Variants in CADM2 observed in about 807,000 individuals in gnomAD.
CADM2 encodes the protein cell adhesion molecule 2.
CADM2 carries 12 observed loss-of-function variants against 49.8 expected under a neutral mutation model. The ratio of observed to expected loss-of-function variants is 0.24; its 90% CI spans 0.15 to 0.39. The LOEUF (loss-of-function observed/expected upper bound fraction) is 0.39. Ranked by LOEUF, CADM2 falls within the 10% of genes least tolerant of loss-of-function variation. The probability of loss-of-function intolerance (pLI) is 1.00; values close to 1 mark genes in which losing one functional copy is unlikely to be tolerated. For synonymous variants in CADM2, 214 were observed against 175.4 expected (o/e 1.22, Z -1.74); for missense variants, 378 against 492.3 (o/e 0.77, Z 2.20).
At chr3:85,794,048 T>A (rs1669285021) in intron 2 of CADM2, among the ~76,000 whole-genome samples, 1 of 152,222 alleles carries the variant, frequency 6.6e-6, no homozygotes, top group Non-Finnish European at 1.5e-5. Flanking sequence ...GGTCTTATTT[T>A]AGGGGTTTAA....
intron 8 of CADM2, among the ~76,000 whole-genome samples, chr3:86,031,247 A>G (rs1198793122): frequency 6.6e-6 from 1 of 151,872 alleles, no homozygotes; most frequent in East Asian, 1.9e-4. Flanking sequence ...AATGACCAAG[A>G]TGAAAATTGA....
intron 1 of CADM2, among the ~76,000 whole-genome samples, chr3:85,146,967 C>A (rs895720272): frequency 6.6e-6 from 1 of 151,860 alleles, no homozygotes; most frequent in Admixed American, 6.6e-5. Flanking sequence ...AAGGAAAGAA[C>A]TAGATGAAAT....
At chr3:85,951,297 AAATT>A (rs1388041736) in intron 7 of CADM2, among the ~76,000 whole-genome samples, 1 of 151,132 alleles carries the variant, frequency 6.6e-6, no homozygotes, top group Non-Finnish European at 1.5e-5. Flanking sequence ...AAGACACATT[AAATT>A]AATCAATACA....
At chr3:85,153,915 C>A (rs1429137381) in intron 1 of CADM2, among the ~76,000 whole-genome samples, 5 of 152,124 alleles carry the variant, frequency 3.3e-5, no homozygotes, top group Non-Finnish European at 5.9e-5. Flanking sequence ...ACAGAAAGGA[C>A]ATCCACACCA....
chr3:85,477,243 A>AAC (rs139955724), intron 1 of CADM2, among the ~76,000 whole-genome samples: 66,727 of 144,566 alleles, frequency 0.46, 15,621 homozygotes, highest in Non-Finnish European at 0.52. Flanking sequence ...GATTCCCTTA[A>AAC]ACACACACAC....
At chr3:85,589,489 G>T (rs1023742639) in intron 1 of CADM2, among the ~76,000 whole-genome samples, 4 of 151,964 alleles carry the variant, frequency 2.6e-5, no homozygotes, top group African/African-American at 7.2e-5. Flanking sequence ...TCTCAGAATT[G>T]TTCTGTCATA....
At chr3:85,732,948 C>T (rs1036204073) in intron 2 of CADM2, among the ~76,000 whole-genome samples, 4 of 152,142 alleles carry the variant, frequency 2.6e-5, no homozygotes, top group Non-Finnish European at 5.9e-5. Context: ...GAATCTCATT[C>T]ATTTAAATGC....
At chr3:85,661,778 T>C (rs1453669002) in intron 1 of CADM2, among the ~76,000 whole-genome samples, 1 of 152,030 alleles carries the variant, frequency 6.6e-6, no homozygotes, top group Non-Finnish European at 1.5e-5. Flanking sequence ...AAATGGAGAA[T>C]AAAATGGAGA....
intron 1 of CADM2, among the ~76,000 whole-genome samples, chr3:85,465,926 G>T (rs1173054536): frequency 6.6e-6 from 1 of 152,156 alleles, no homozygotes; most frequent in Non-Finnish European, 1.5e-5. Context: ...TAGAAGCAAA[G>T]AATTGCTATC....
At chr3:85,861,856 TAA>T (rs1426993063) in intron 3 of CADM2, among the ~76,000 whole-genome samples, 1 of 152,152 alleles carries the variant, frequency 6.6e-6, no homozygotes, top group African/African-American at 2.4e-5. Context: ...CATTCAAAGC[TAA>T]TAATATCATA....
chr3:84,988,066 T>G (rs1474046303), intron 1 of CADM2, among the ~76,000 whole-genome samples: 1 of 152,196 alleles, frequency 6.6e-6, no homozygotes, highest in East Asian at 1.9e-4. Context: ...AACACTTGAC[T>G]TGCTTTAGTA....
At chr3:85,232,108 T>C (rs936778662) in intron 1 of CADM2, among the ~76,000 whole-genome samples, 1 of 148,326 alleles carries the variant, frequency 6.7e-6, no homozygotes, top group Non-Finnish European at 1.5e-5. Context: ...GGCCCCTTTT[T>C]TTGTGTTATT....
intron 8 of CADM2, among the ~76,000 whole-genome samples, chr3:85,973,694 C>T (rs1014075302): frequency 4.0e-5 from 6 of 151,650 alleles, no homozygotes; most frequent in African/African-American, 1.2e-4. Flanking sequence ...ATTATAACAT[C>T]GCACATTTTT....
At chr3:85,292,346 T>A (rs1287708507) in intron 1 of CADM2, among the ~76,000 whole-genome samples, 1 of 150,860 alleles carries the variant, frequency 6.6e-6, no homozygotes, top group Non-Finnish European at 1.5e-5. Context: ...AGTGGGAGAC[T>A]TTAACACCCC....
intron 1 of CADM2, among the ~76,000 whole-genome samples, chr3:85,218,898 ACCCTAGCTGACTG>A (rs2041988544): frequency 6.6e-6 from 1 of 152,174 alleles, no homozygotes; most frequent in African/African-American, 2.4e-5. Flanking sequence ...TAATCTAGTT[ACCCTAGCTGACTG>A]CCCTATCAGC....
chr3:85,948,717 TAATAAAATAA>T (rs58893078), intron 7 of CADM2, among the ~76,000 whole-genome samples: 39 of 150,798 alleles, frequency 2.6e-4, no homozygotes, highest in Admixed American at 8.0e-4. Flanking sequence ...CTAAATAAAA[TAATAAAATAA>T]AATAAAATAA....
chr3:85,407,645 G>A (rs529177423), intron 1 of CADM2, among the ~76,000 whole-genome samples: 1 of 152,082 alleles, frequency 6.6e-6, no homozygotes, highest in Non-Finnish European at 1.5e-5. Context: ...AAGAAATTTA[G>A]CAGCAGTGGT....
intron 1 of CADM2, among the ~76,000 whole-genome samples, chr3:85,342,253 T>C (rs573189153): frequency 4.4e-4 from 67 of 151,906 alleles, no homozygotes; most frequent in African/African-American, 1.6e-3. Context: ...CCAACAGACA[T>C]ATGAAAAAAT....
intron 2 of CADM2, among the ~76,000 whole-genome samples, chr3:85,759,883 A>G (rs1004859625): frequency 4.6e-5 from 7 of 152,096 alleles, no homozygotes; most frequent in Admixed American, 4.6e-4. Flanking sequence ...CTCTTTTTCC[A>G]TACACTTTCT....
Sources: allele counts gnomAD v4.1 joint callset (sites outside exome capture counted in the v4.1 genomes callset), GRCh38; gene constraint gnomAD v4.1.1; transcripts MANE v1.5; gene names NCBI Gene and HGNC (gene_info 2026-07-23, HGNC 2026-07-21).